GPD2: variants seen among roughly 807,000 people sequenced by gnomAD.
GPD2 encodes the protein glycerol-3-phosphate dehydrogenase, mitochondrial.
GPD2 carries 54 observed loss-of-function variants against 82.4 expected under a neutral mutation model. That is an observed-to-expected ratio of 0.66 (90% CI 0.53 to 0.82). The LOEUF (loss-of-function observed/expected upper bound fraction) is 0.82, where lower values mean the gene tolerates loss of function less well. Among genes scored for constraint, GPD2 ranks in the 40% least tolerant of loss-of-function variants. GPD2 has a pLI of 0.00. For synonymous variants in GPD2, 288 were observed against 306.1 expected, an observed-to-expected ratio of 0.94 and a Z score of 0.62; for missense variants, 748 against 896.2, an observed-to-expected ratio of 0.83 and a Z score of 2.11.
intron 6 of GPD2, among the ~76,000 whole-genome samples, chr2:156,535,919 A>G (rs984563469): frequency 1.3e-5 from 2 of 152,236 alleles, no homozygotes; most frequent in Non-Finnish European, 2.9e-5. Context: ...AAAGCTATAG[A>G]TAGAACAAAG....
intron 1 of GPD2, among the ~76,000 whole-genome samples, chr2:156,451,571 A>AC (rs1242096916): frequency 4.3e-5 from 5 of 116,728 alleles, no homozygotes; most frequent in African/African-American, 9.5e-5. Context: ...CGGGGGTCTG[A>AC]CCCCCCCACC....
intron 15 of GPD2, 150 bp downstream of exon 15, chr2:156,579,314 T>TTTTCTTTTTTC (rs1687942708): frequency 3.4e-6 from 2 of 592,176 alleles, no homozygotes; most frequent in Non-Finnish European, 5.8e-6. Context: ...TTATAATTTT[T>TTTTCTTTTTTC]TTTCTTTTTT....
chr2:156,542,514 A>G (rs956770583), intron 6 of GPD2, among the ~76,000 whole-genome samples: 4 of 152,196 alleles, frequency 2.6e-5, no homozygotes, highest in Admixed American at 6.5e-5. Context: ...CAAAATGTAC[A>G]TCAACCCAGG....
intron 1 of GPD2, among the ~76,000 whole-genome samples, chr2:156,463,071 T>C (rs952422221): frequency 6.6e-6 from 1 of 152,188 alleles, no homozygotes; most frequent in Non-Finnish European, 1.5e-5. Context: ...GAAGAATTCA[T>C]ACAGGAACAG....
chr2:156,452,308 T>C (rs1244353260), intron 1 of GPD2, among the ~76,000 whole-genome samples: 5 of 152,250 alleles, frequency 3.3e-5, no homozygotes. Context: ...TCCCGGCACC[T>C]CTGGAGGCCG....
intron 8 of GPD2, among the ~76,000 whole-genome samples, chr2:156,551,211 T>C (rs868352654): frequency 6.6e-6 from 1 of 151,952 alleles, no homozygotes; most frequent in Non-Finnish European, 1.5e-5. Flanking sequence ...AAAAAAAATA[T>C]TGTAGCAAGC....
chr2:156,575,325 A>G (rs963354649), intron 13 of GPD2, among the ~76,000 whole-genome samples: 1 of 152,174 alleles, frequency 6.6e-6, no homozygotes, highest in Non-Finnish European at 1.5e-5. Flanking sequence ...TTATCAAGAA[A>G]TAGTGATCAC....
chr2:156,421,070 T>C, the GPD2 span, among the ~76,000 whole-genome samples: 1 of 152,216 alleles, frequency 6.6e-6, no homozygotes, highest in African/African-American at 2.4e-5. Context: ...AGATTCTATA[T>C]AGTAGGTCTG....
chr2:156,535,238 A>G (rs1686018971), intron 6 of GPD2, among the ~76,000 whole-genome samples: 1 of 151,820 alleles, frequency 6.6e-6, no homozygotes, highest in Non-Finnish European at 1.5e-5. Context: ...GGAGGGCATT[A>G]GATGAGATTT....
intron 9 of GPD2, among the ~76,000 whole-genome samples, chr2:156,559,969 C>T (rs1430875987): frequency 2.0e-5 from 3 of 151,952 alleles, no homozygotes; most frequent in Non-Finnish European, 4.4e-5. Context: ...TGTAATTTAT[C>T]TGTATATAAT....
rs1686727215 is a variant in GPD2, at chr2:156,550,725, T to C, written c.950T>C (p.Ile317Thr). 1 of 1,613,724 alleles carries C rather than the reference T, an allele frequency of 6.2e-7. No individual in the cohort carries two copies. Among genetic ancestry groups the C allele is most frequent in the Non-Finnish European group, 8.5e-7 (1 of 1,179,778 alleles). ...TGCCAGCCAAGTGCTGGTGTCCATA[T>C]TGTGATGCCTGGTTATTACAGGTAA... Reference protein sequence around the residue: ...AICQPSAGVHIVMPGYYSPES... With the variant: ...AICQPSAGVHTVMPGYYSPES... The change falls in exon 8 of 17, where the codon ATT (isoleucine) becomes ACT (threonine). Residue 317 changes from isoleucine (I) to threonine (T), a missense_variant. By Grantham distance (89) the Ile-to-Thr change is moderately conservative. Transcript: ENST00000438166.
intron 6 of GPD2, among the ~76,000 whole-genome samples, chr2:156,531,469 G>A (rs1685857199): frequency 6.6e-6 from 1 of 152,234 alleles, no homozygotes. Flanking sequence ...TGACAGTAGA[G>A]AGTTTCTTTT....
chr2:156,537,725 G>C (rs189012418), intron 6 of GPD2, among the ~76,000 whole-genome samples: 229 of 152,292 alleles, frequency 1.5e-3, no homozygotes, highest in African/African-American at 5.0e-3. Flanking sequence ...TTTGGTGAAA[G>C]AGCTGTATTA....
At chr2:156,421,121 G>A in the GPD2 span, among the ~76,000 whole-genome samples, 3 of 152,164 alleles carry the variant, frequency 2.0e-5, no homozygotes, top group Admixed American at 6.5e-5. Context: ...AAGTTCCCAG[G>A]TGAAGCTTTT....
upstream of GPD2, among the ~76,000 whole-genome samples, chr2:156,432,103 C>T (rs298308): frequency 6.6e-6 from 1 of 151,854 alleles, no homozygotes; most frequent in African/African-American, 2.4e-5. Context: ...GGTCAGGCTG[C>T]TCTTGAACTC....
intron 1 of GPD2, among the ~76,000 whole-genome samples, chr2:156,475,874 C>T (rs934215181): frequency 2.0e-5 from 3 of 152,092 alleles, no homozygotes; most frequent in Admixed American, 6.5e-5. Flanking sequence ...TAATTCCTGT[C>T]GAACCAGAAA....
chr2:156,524,178 C>A (rs1054748468), intron 6 of GPD2, among the ~76,000 whole-genome samples: 11 of 145,274 alleles, frequency 7.6e-5, no homozygotes, highest in South Asian at 7.1e-4. Flanking sequence ...AGTGTGGATT[C>A]ATTCTTTTTT....
At chr2:156,519,565 C>A (rs1271449220) in intron 6 of GPD2, among the ~76,000 whole-genome samples, 1 of 152,114 alleles carries the variant, frequency 6.6e-6, no homozygotes, top group African/African-American at 2.4e-5. Context: ...ATTGTGCAAC[C>A]AAGGTTTAAA....
At chr2:156,572,695 G>A (rs768509028) in intron 13 of GPD2, among the ~76,000 whole-genome samples, 3 of 152,162 alleles carry the variant, frequency 2.0e-5, no homozygotes, top group Non-Finnish European at 4.4e-5. Flanking sequence ...CCAAAGTTTA[G>A]AAGCATAGGA....
Sources: allele counts gnomAD v4.1 joint callset (sites outside exome capture counted in the v4.1 genomes callset), GRCh38; gene constraint gnomAD v4.1.1; transcripts MANE v1.5; gene names NCBI Gene and HGNC (gene_info 2026-07-23, HGNC 2026-07-21).